Variants in SMARCB1 observed in about 807,000 individuals in gnomAD.
The protein encoded by SMARCB1 is SWI/SNF related BAF chromatin remodeling complex subunit B1, also known as SWI/SNF-related matrix-associated actin-dependent regulator of chromatin subfamily B member 1.
A neutral mutation model predicts 49.0 loss-of-function variants in SMARCB1; 5 were observed. The observed-to-expected ratio is 0.10, with a 90% confidence interval of 0.05 to 0.21. The LOEUF is 0.21. Ranked by LOEUF, SMARCB1 falls within the 10% of genes least tolerant of loss-of-function variation. The probability of loss-of-function intolerance (pLI) is 1.00; values close to 1 mark genes in which losing one functional copy is unlikely to be tolerated. For missense variants in SMARCB1, 226 were observed against 509.2 expected (o/e 0.44, Z 5.35); for synonymous variants, 201 against 200.1 (o/e 1.00, Z -0.04).
At chr22:23,800,259 G>C (rs189435913) in intron 3 of SMARCB1, among the ~76,000 whole-genome samples, 1 of 152,354 alleles carries the variant, frequency 6.6e-6, no homozygotes, top group East Asian at 1.9e-4. Context: ...AAGATCAAAC[G>C]CTTCATGGGA....
chr22:23,831,116 C>T (rs1209349492), intron 7 of SMARCB1, among the ~76,000 whole-genome samples: 1 of 152,106 alleles, frequency 6.6e-6, no homozygotes, highest in African/African-American at 2.4e-5. Context: ...ATTTGAGGCT[C>T]CTGGCGGCCT....
chr22:23,809,369 C>T (rs1023044386), intron 5 of SMARCB1, among the ~76,000 whole-genome samples: 7 of 151,506 alleles, frequency 4.6e-5, no homozygotes, highest in East Asian at 1.9e-4. Flanking sequence ...CTCTACCTCC[C>T]GGGTTCAAGT....
chr22:23,814,786 C>T (rs1437889182), intron 5 of SMARCB1, among the ~76,000 whole-genome samples: 6 of 147,618 alleles, frequency 4.1e-5, no homozygotes, highest in Admixed American at 1.3e-4. Context: ...GCTTGACCAA[C>T]GTGGAGAAAC....
intron 4 of SMARCB1, chr22:23,801,547 C>G: frequency 2.7e-6 from 1 of 373,332 alleles, no homozygotes; most frequent in South Asian, 2.0e-5. Flanking sequence ...TTTCACTAGA[C>G]CAGACTCATG....
intron 3 of SMARCB1, among the ~76,000 whole-genome samples, chr22:23,793,927 G>T (rs1928578617): frequency 6.6e-6 from 1 of 151,894 alleles, no homozygotes; most frequent in African/African-American, 2.4e-5. Context: ...GATTACAGGT[G>T]CCTGCCACTA....
At chr22:23,792,883 G>A (rs35339167) in intron 2 of SMARCB1, 2,958 of 163,968 alleles carry the variant, frequency 0.018, 62 homozygotes, top group South Asian at 0.097. Flanking sequence ...AGTCTTGGGA[G>A]ATACCTTCCC....
intron 6 of SMARCB1, chr22:23,817,482 A>G (rs1320048012): frequency 1.2e-5 from 2 of 162,530 alleles, no homozygotes; most frequent in African/African-American, 4.8e-5. Context: ...TGAAAATAGG[A>G]AGATATGAGA....
At chr22:23,815,137 T>TG (rs1930110065) in intron 5 of SMARCB1, 1 of 152,216 alleles carries the variant, frequency 6.6e-6, no homozygotes, top group African/African-American at 2.4e-5. Context: ...CAGCATCAGA[T>TG]GCTGGCGAGG....
chr22:23,801,315 C>T (rs738797), intron 4 of SMARCB1: 1 of 719,620 alleles, frequency 1.4e-6, no homozygotes, highest in Admixed American at 2.0e-5. Flanking sequence ...CTCTCTGGCC[C>T]CTCAAGTGGA....
chr22:23,793,348 C>G (rs1164815082), intron 2 of SMARCB1: 6 of 659,490 alleles, frequency 9.1e-6, no homozygotes, highest in Non-Finnish European at 1.7e-5. Context: ...CAAATCAGTC[C>G]CATTGGAGGC....
At position 23,835,088 on chromosome 22, in the gene SMARCB1, A is replaced by T; in HGVS notation, c.*908A>T. ...GGCCTGGGCCAGCTCCTGCCTTACA[A>T]GCCAGCTGTGAGGAATATGGGAATA... On this transcript the variant is annotated 3_prime_UTR_variant, in exon 9 of 9. Coordinates refer to ENST00000644036, the MANE Select transcript of SMARCB1 (RefSeq NM_003073.5). The T allele has an allele frequency of 4.3e-6, 6 of 1,395,716 alleles. No homozygotes were observed. The highest frequency in any genetic ancestry group is 5.6e-6 in the Non-Finnish European group (6 of 1,077,892). 86.5% of individuals were successfully genotyped at this position (1,395,716 alleles called of 1,614,324 possible).
At position 23,835,143 on chromosome 22, in the gene SMARCB1, G is replaced by A; in HGVS notation, c.*963G>A. The A allele has an allele frequency of 7.3e-7, 1 of 1,367,348 alleles. No homozygotes were observed. Among genetic ancestry groups the A allele is most frequent in the East Asian group, 2.8e-5 (1 of 35,906 alleles). 84.7% of individuals were successfully genotyped at this position (1,367,348 alleles called of 1,614,324 possible). A position where few individuals can be genotyped will look rare whatever the true frequency, so the allele number is the denominator to read the frequency against. On this transcript the variant is annotated 3_prime_UTR_variant, in exon 9 of 9. Coordinates refer to ENST00000644036, the MANE Select transcript of SMARCB1 (RefSeq NM_003073.5). The stretch of plus-strand genomic sequence containing the variant: ...TCCCGGCCTGGTGCCAGCTCTTGGA[G>A]TTGACACGGTACAGGGAGGAGACAC...
At chr22:23,832,065 C>CCA (rs1363361840) in intron 7 of SMARCB1, among the ~76,000 whole-genome samples, 1 of 152,206 alleles carries the variant, frequency 6.6e-6, no homozygotes, top group African/African-American at 2.4e-5. Context: ...TGCGCTGTGC[C>CCA]CACAGTCCCT....
chr22:23,796,051 C>A (rs1928731705), intron 3 of SMARCB1, among the ~76,000 whole-genome samples: 1 of 152,066 alleles, frequency 6.6e-6, no homozygotes, highest in Admixed American at 6.6e-5. Flanking sequence ...CCTCGGCCTC[C>A]CAAAGTGGTG....
In SMARCB1 at chr22:23,787,992, A is replaced by T. The variant is rs188452036; in HGVS notation, c.93+730A>T. 5.2e-4 allele frequency among the ~76,000 whole-genome samples: 79 copies of T among 151,340 alleles called. No homozygotes were observed. The East Asian group carries it at 8.8e-3, about 17-fold the overall frequency. ...CAACTGGATGACTGACTTCAGGAAA[A>T]CTCTACTGGCCTTTGAATGGGTGTT... is the stretch of plus-strand genomic sequence containing the variant. On this transcript the variant is annotated intron_variant, in intron 1 of 8. Transcript: ENST00000644036.
intron 5 of SMARCB1, among the ~76,000 whole-genome samples, chr22:23,812,231 G>A (rs919993954): frequency 6.6e-6 from 1 of 152,142 alleles, no homozygotes; most frequent in Non-Finnish European, 1.5e-5. Flanking sequence ...TGAGGTGGGA[G>A]GATTACTTGA....
intron 5 of SMARCB1, among the ~76,000 whole-genome samples, chr22:23,812,166 C>CA: frequency 6.6e-6 from 1 of 152,164 alleles, no homozygotes; most frequent in East Asian, 1.9e-4. Flanking sequence ...TTAAAAACCC[C>CA]AAAAAATGGC....
Position 23,835,256 on chromosome 22 carries a change from G to C in SMARCB1, c.*1076G>C. The C allele has an allele frequency of 8.9e-7, 1 of 1,123,494 alleles. No homozygotes were observed. The highest frequency in any genetic ancestry group is 4.9e-5 in the East Asian group (1 of 20,524). 69.6% of individuals were successfully genotyped at this position (1,123,494 alleles called of 1,614,324 possible). Reference sequence around the variant, plus strand: ...AATAGGGAGGTGTCCCCATTCTTCAGAATGGACACAGGATCTGGGAGGGCA... The same window carrying C: ...AATAGGGAGGTGTCCCCATTCTTCACAATGGACACAGGATCTGGGAGGGCA... On this transcript the variant is annotated 3_prime_UTR_variant, in exon 9 of 9. Transcript: ENST00000644036.
chr22:23,802,982 C>T (rs1929263136), intron 4 of SMARCB1: 3 of 461,046 alleles, frequency 6.5e-6, no homozygotes, highest in South Asian at 4.2e-5. Context: ...TTCCCATAGC[C>T]TTCCATGAAA....
Sources: gnomAD v4.1 joint callset for allele counts (sites outside exome capture counted in the v4.1 genomes callset) on GRCh38, gnomAD v4.1.1 for gene constraint, MANE v1.5 for transcripts, NCBI Gene and HGNC (gene_info 2026-07-23, HGNC 2026-07-21) for gene names.